KCNK3: variants seen among roughly 807,000 people sequenced by gnomAD.
KCNK3 encodes the protein potassium channel subfamily K member 3.
A neutral mutation model predicts 27.3 loss-of-function variants in KCNK3; 9 were observed. The ratio of observed to expected loss-of-function variants is 0.33; its 90% CI spans 0.20 to 0.57. The LOEUF (loss-of-function observed/expected upper bound fraction) is 0.57, where lower values mean the gene tolerates loss of function less well. Among genes scored for constraint, KCNK3 ranks in the 20% least tolerant of loss-of-function variants. The probability of loss-of-function intolerance (pLI) is 0.87; values close to 1 mark genes in which losing one functional copy is unlikely to be tolerated. For synonymous variants in KCNK3, 278 were observed against 273.8 expected, an observed-to-expected ratio of 1.02 and a Z score of -0.15; for missense variants, 391 against 577.7, an observed-to-expected ratio of 0.68 and a Z score of 3.31.
At chr2:26,715,278 A>C (rs1181127550) in intron 1 of KCNK3, among the ~76,000 whole-genome samples, 2 of 152,232 alleles carry the variant, frequency 1.3e-5, no homozygotes. Flanking sequence ...GAATGCGCAG[A>C]AAGCACTTAC....
Position 26,728,538 on chromosome 2 carries a change from C to T in KCNK3, c.1155C>T (p.Arg385=), listed in dbSNP as rs1663475667. Residue 385 remains arginine (R), a synonymous_variant, in exon 2 of 2, where the codon CGC becomes CGT. Transcript: ENST00000302909. ...GTCTGCACAGCCTGTCCACCTTCCG[C>T]GGCCTCATGAAGCGCAGGAGCTCCG... is the stretch of plus-strand genomic sequence containing the variant. ...STGLHSLSTF[R]GLMKRRSSV is the part of the protein sequence containing the mutation. The T allele has an allele frequency of 1.4e-6, 2 of 1,469,150 alleles. No individual in the cohort carries two copies. The highest frequency in any genetic ancestry group is 9.0e-7 in the Non-Finnish European group (1 of 1,109,390). The allele number at this position is 1,469,150 out of a possible 1,614,324, so 91.0% of individuals were successfully genotyped here. A position where few individuals can be genotyped will look rare whatever the true frequency, so the allele number is the denominator to read the frequency against.
intron 1 of KCNK3, among the ~76,000 whole-genome samples, chr2:26,700,663 T>C (rs1191807037): frequency 4.6e-5 from 7 of 152,232 alleles, no homozygotes; most frequent in Non-Finnish European, 8.8e-5. Context: ...GCCTTCATGC[T>C]AGAGAGGTCT....
rs1413546507 is a variant in KCNK3 at position 26,699,237 on chromosome 2, GAAAGAAAGAAAGAA to G, written c.283+6081_283+6094del. ...AGAAAGAAAGAAAGAAAGAAAGAAA[GAAAGAAAGAAAGAA>G]AGCCAGCCAAGGAGAAAGGTACACG... On this transcript the variant is annotated intron_variant, in intron 1 of 1. Coordinates refer to ENST00000302909, the MANE Select transcript of KCNK3 (RefSeq NM_002246.3). Among the ~76,000 whole-genome samples the G allele has an allele frequency of 4.5e-4, 68 of 150,748 alleles. 4 individuals are homozygous for G. Among genetic ancestry groups the G allele is most frequent in the African/African-American group, 1.6e-3 (64 of 40,768 alleles).
intron 1 of KCNK3, among the ~76,000 whole-genome samples, chr2:26,703,793 G>C (rs1670337171): frequency 6.6e-6 from 1 of 152,228 alleles, no homozygotes; most frequent in Non-Finnish European, 1.5e-5. Flanking sequence ...AAGGGTCTGA[G>C]AAGGTGTCCA....
chr2:26,705,550 C>T (rs760182886), intron 1 of KCNK3, among the ~76,000 whole-genome samples: 2 of 152,180 alleles, frequency 1.3e-5, no homozygotes, highest in Non-Finnish European at 2.9e-5. Context: ...CACCTAGCTT[C>T]TCCCCGACCC....
intron 1 of KCNK3, among the ~76,000 whole-genome samples, chr2:26,706,617 A>C (rs145881281): frequency 1.9e-3 from 292 of 152,174 alleles, no homozygotes; most frequent in African/African-American, 6.8e-3. Flanking sequence ...GAGGGGCCGG[A>C]GAGAGAAAAC....
intron 1 of KCNK3, among the ~76,000 whole-genome samples, chr2:26,704,658 C>T (rs1670350170): frequency 6.6e-6 from 1 of 152,258 alleles, no homozygotes; most frequent in Non-Finnish European, 1.5e-5. Flanking sequence ...CAGGCCCGCT[C>T]CTCCAGGATG....
chr2:26,710,472 T>A (rs1418817443), intron 1 of KCNK3, among the ~76,000 whole-genome samples: 1 of 152,080 alleles, frequency 6.6e-6, no homozygotes, highest in Non-Finnish European at 1.5e-5. Context: ...CTGCCACCAC[T>A]CACACACAGG....
chr2:26,726,403 G>A (rs1663421547), intron 1 of KCNK3, among the ~76,000 whole-genome samples: 1 of 152,192 alleles, frequency 6.6e-6, no homozygotes, highest in Non-Finnish European at 1.5e-5. Flanking sequence ...AAATAAGGCA[G>A]AGATCATAAG....
rs144869552 is a variant in KCNK3, at chr2:26,722,318, A to T, written c.284-5349A>T. 3.8e-3 allele frequency among the ~76,000 whole-genome samples: 585 copies of T among 152,350 alleles called. 5 individuals carry two copies. The highest frequency in any genetic ancestry group is 0.013 in the African/African-American group (554 of 41,580). On this transcript the variant is annotated intron_variant, in intron 1 of 1. Transcript: ENST00000302909. ...TAACTTGAGTAAACACTGATCATAG[A>T]ATGTTGGCACTGAAAGGAACTTTAA...
chr2:26,693,477 G>A lies in KCNK3; in HGVS notation c.283+319G>A, dbSNP rs144984314. Among the ~76,000 whole-genome samples, 71 of 152,328 alleles carry A rather than the reference G, an allele frequency of 4.7e-4. 1 individual carries two copies. The East Asian group carries it at 0.014, about 29-fold the overall frequency. ...CGACCGGCGGAGGCTCGGGCAGGAG[G>A]GGTGTGGCCGGGCCAGGCCCTGAAC... On this transcript the variant is annotated intron_variant, in intron 1 of 1. Coordinates refer to ENST00000302909, the MANE Select transcript of KCNK3 (RefSeq NM_002246.3). The surrounding 1 kb of genome is among the most constrained non-coding windows in gnomAD (Gnocchi z 5.5).
chr2:26,715,267 C>T (rs1213874173), intron 1 of KCNK3, among the ~76,000 whole-genome samples: 2 of 152,182 alleles, frequency 1.3e-5, no homozygotes, highest in Admixed American at 6.5e-5. Context: ...ACTAAATAAA[C>T]GAATGCGCAG....
intron 1 of KCNK3, among the ~76,000 whole-genome samples, chr2:26,700,786 C>G (rs533711061): frequency 1.6e-4 from 24 of 152,154 alleles, no homozygotes; most frequent in African/African-American, 5.5e-4. Context: ...CATCATATCT[C>G]TCTCTCTGTC....
chr2:26,717,794 C>T (rs1283895746), intron 1 of KCNK3, among the ~76,000 whole-genome samples: 1 of 152,200 alleles, frequency 6.6e-6, no homozygotes, highest in Non-Finnish European at 1.5e-5. Context: ...CCTGCTTTAG[C>T]CCTCACGCTC....
chr2:26,698,313 G>A (rs113453609), intron 1 of KCNK3, among the ~76,000 whole-genome samples: 53 of 152,246 alleles, frequency 3.5e-4, no homozygotes, highest in African/African-American at 1.2e-3. Flanking sequence ...GCAGGGCAGC[G>A]GAGGAACATA....
rs145169631 is a variant in KCNK3 at position 26,724,410 on chromosome 2, C to T, written c.284-3257C>T. 951 of 169,376 alleles carry T rather than the reference C, an allele frequency of 5.6e-3. 3 individuals carry two copies. The highest frequency in any genetic ancestry group is 0.016 in the East Asian group (83 of 5,270). 10.5% of individuals were successfully genotyped at this position (169,376 alleles called of 1,614,324 possible). ...GGGTGATGCATTGGCTCCCACGTAC[C>T]GGAATGAATGCTGAGTCAGAAAGGC... is the stretch of plus-strand genomic sequence containing the variant. On this transcript the variant is annotated intron_variant, in intron 1 of 1. Coordinates refer to ENST00000302909, the MANE Select transcript of KCNK3 (RefSeq NM_002246.3).
rs1166737417 is a variant in KCNK3, at chr2:26,729,623, C to G, written c.*1055C>G. 1 of 152,096 alleles carries G rather than the reference C, an allele frequency of 6.6e-6. No homozygotes were observed. Among genetic ancestry groups the G allele is most frequent in the Non-Finnish European group, 1.5e-5 (1 of 68,084 alleles). The allele number at this position is 152,096 out of a possible 1,614,324, so 9.4% of individuals were successfully genotyped here. On this transcript the variant is annotated 3_prime_UTR_variant, in exon 2 of 2. Coordinates refer to ENST00000302909, the MANE Select transcript of KCNK3 (RefSeq NM_002246.3). ...GGCTGAGGTTGGAGGATTGCTTGAGCCCAGGAATTTGAGACCAGCCTAGGT... is the reference window on the plus strand; with the variant it reads ...GGCTGAGGTTGGAGGATTGCTTGAGGCCAGGAATTTGAGACCAGCCTAGGT...
chr2:26,709,627 G>T (rs906051542), intron 1 of KCNK3, among the ~76,000 whole-genome samples: 1 of 152,166 alleles, frequency 6.6e-6, no homozygotes, highest in Admixed American at 6.5e-5. Flanking sequence ...GGTGGTGGGA[G>T]TCGGCCTGAG....
At chr2:26,700,751 T>C (rs1388653699) in intron 1 of KCNK3, among the ~76,000 whole-genome samples, 3 of 148,436 alleles carry the variant, frequency 2.0e-5, no homozygotes, top group African/African-American at 7.8e-5. Flanking sequence ...ATCATCACCA[T>C]CATCATCATC....
Sources: gnomAD v4.1 joint callset for allele counts (sites outside exome capture counted in the v4.1 genomes callset) on GRCh38, gnomAD v4.1.1 for gene constraint, Gnocchi (gnomAD v3.1) non-coding constraint, MANE v1.5 for transcripts, NCBI Gene and HGNC (gene_info 2026-07-23, HGNC 2026-07-21) for gene names.